The following NIBAN2 variants were observed in gnomAD, a reference collection of about 807,000 sequenced individuals.
NIBAN2 encodes protein Niban 2.
Under a neutral mutation model 81.8 loss-of-function variants are expected in NIBAN2, and 36 were observed. The observed-to-expected ratio is 0.44, with a 90% CI of 0.34 to 0.58. The LOEUF is 0.58. Ranked by LOEUF, NIBAN2 falls within the 20% of genes least tolerant of loss-of-function variation. The pLI is 0.02. For missense variants in NIBAN2, 897 were observed against 1,014.1 expected, an observed-to-expected ratio of 0.88 and a Z score of 1.57; for synonymous variants, 445 against 441.6, an observed-to-expected ratio of 1.01 and a Z score of -0.10.
In NIBAN2 at chr9:127,508,107, G is replaced by A. The variant is rs759988005; in HGVS notation, c.1528C>T (p.Pro510Ser). 4 of 1,613,604 alleles carry A rather than the reference G, an allele frequency of 2.5e-6. No individual in the cohort carries two copies. Among genetic ancestry groups the A allele is most frequent in the Non-Finnish European group, 2.5e-6 (3 of 1,179,982 alleles). ...SIPFLLKKLA[P>S]TCKSELPRFQ... ...GGGCTGCTCACCGACTTGCAGGTAG[G>A]GGCCAGCTTCTTGAGCAGGAACGGG... Residue 510 changes from proline (P) to serine (S), a missense_variant, in exon 12 of 14, where the codon CCT (proline) becomes TCT (serine). Coordinates refer to ENST00000373312, the MANE Select transcript of NIBAN2 (RefSeq NM_022833.4). This position sits in a 1 kb window ranked among gnomAD's most constrained non-coding sequence, Gnocchi z 6.4.
At position 127,543,098 on chromosome 9, in the gene NIBAN2, A is replaced by G. The variant is rs1333786278; in HGVS notation, c.56-11320T>C. The stretch of plus-strand genomic sequence containing the variant: ...TCCCTCAGCACGCCAAGGCCCGACA[A>G]TGACAGCCGTGTGACCCTGCGTGAG... On this transcript the variant is annotated intron_variant, in intron 1 of 13. Coordinates refer to ENST00000373312, the MANE Select transcript of NIBAN2 (RefSeq NM_022833.4). Among the ~76,000 whole-genome samples the G allele has an allele frequency of 2.0e-5, 3 of 152,310 alleles. No individual in the cohort carries two copies. The East Asian group carries it at 5.8e-4, about 29-fold the overall frequency.
intron 1 of NIBAN2, among the ~76,000 whole-genome samples, chr9:127,543,813 C>T (rs917395353): frequency 6.6e-6 from 1 of 152,236 alleles, no homozygotes; most frequent in Non-Finnish European, 1.5e-5. Context: ...CACTGTTCTT[C>T]AGTTCCCCAC....
intron 8 of NIBAN2, among the ~76,000 whole-genome samples, chr9:127,511,798 CAAACAGGCATATGAAAGGTACTCAACCCA>C (rs1448072452): frequency 6.6e-6 from 1 of 151,972 alleles, no homozygotes; most frequent in Non-Finnish European, 1.5e-5. Flanking sequence ...ATATAAATGG[CAAACAGGCATATGAAAGGTACTCAACCCA>C]AAACAGGCAT....
chr9:127,514,606 T>C (rs1836791619), intron 8 of NIBAN2, among the ~76,000 whole-genome samples: 1 of 152,242 alleles, frequency 6.6e-6, no homozygotes, highest in South Asian at 2.1e-4. Context: ...CCTTAGTAGA[T>C]TCAATGAGCC....
At chr9:127,510,378 A>G in intron 8 of NIBAN2, 45 bp from the exon 9 acceptor site, 6 of 1,475,046 alleles carry the variant, frequency 4.1e-6, no homozygotes, top group Non-Finnish European at 5.5e-6. Context: ...CCCAAGGAGC[A>G]CCTCCCAGCC....
rs1365752807 is a variant in NIBAN2, at chr9:127,523,857, A to G, written c.422-11T>C. The G allele has an allele frequency of 2.5e-6, 4 of 1,604,526 alleles. No individual in the cohort carries two copies. Among genetic ancestry groups the G allele is most frequent in the South Asian group, 2.2e-5 (2 of 90,934 alleles). ...ACTTTGCCGTGGTCCCTGTGGAGAC[A>G]GTGCCTGATGAGCAGCTGCCCTCTG... On this transcript the variant is annotated splice_polypyrimidine_tract_variant and intron_variant, in intron 4 of 13. Transcript: ENST00000373312.
intron 2 of NIBAN2, 64 bp from the exon 3 acceptor site, chr9:127,527,386 T>C (rs967740574): frequency 1.5e-5 from 22 of 1,501,684 alleles, no homozygotes; most frequent in Non-Finnish European, 1.9e-5. Flanking sequence ...CCCATGAAGC[T>C]GATGGCCCAG....
chr9:127,577,133 G>C (rs998551968), intron 1 of NIBAN2, among the ~76,000 whole-genome samples: 19 of 151,022 alleles, frequency 1.3e-4, no homozygotes, highest in African/African-American at 4.4e-4. Flanking sequence ...CATGGTGAAA[G>C]CCCGTCTCTA....
Position 127,507,550 on chromosome 9 carries a change from G to T in NIBAN2, c.1655-119C>A. 1 of 931,030 alleles carries T rather than the reference G, an allele frequency of 1.1e-6. No individual in the cohort carries two copies. Among genetic ancestry groups the T allele is most frequent in the Non-Finnish European group, 1.6e-6 (1 of 632,874 alleles). 57.7% of individuals were successfully genotyped at this position (931,030 alleles called of 1,614,324 possible). ...CCTTGGGGGTCTGTGGTTGGGATGT[G>T]ACTCATTCCAGGCCTCGTTGCTGAA... On this transcript the variant is annotated intron_variant, in intron 13 of 13. Transcript: ENST00000373312. This position sits in a 1 kb window ranked among gnomAD's most constrained non-coding sequence, Gnocchi z 6.8.
rs1408431041 is a variant in NIBAN2, at chr9:127,523,197, ATATATATATATATATATATATAT to A, written c.589+459_589+481del. Among the ~76,000 whole-genome samples the A allele has an allele frequency of 4.7e-3, 22 of 4,720 alleles. 4 individuals carry two copies. Among genetic ancestry groups the A allele is most frequent in the Non-Finnish European group, 7.4e-3 (20 of 2,698 alleles). 3.1% of individuals were successfully genotyped at this position (4,720 alleles called of 152,430 possible). On this transcript the variant is annotated intron_variant, in intron 5 of 13. Coordinates refer to ENST00000373312, the MANE Select transcript of NIBAN2 (RefSeq NM_022833.4). ...AAAAAAAAAAAAAAAAAAAAAATAT[ATATATATATATATATATATATAT>A]ATATATATATATATATATATATATA...
chr9:127,551,809 G>A (rs1277005198), intron 1 of NIBAN2, among the ~76,000 whole-genome samples: 3 of 152,188 alleles, frequency 2.0e-5, no homozygotes, highest in Non-Finnish European at 2.9e-5. Flanking sequence ...CCACAGCACC[G>A]ATCTCTGGGA....
rs574570767 is a variant in NIBAN2, at chr9:127,534,510, G to C, written c.56-2732C>G. Among the ~76,000 whole-genome samples, 9 of 152,260 alleles carry C rather than the reference G, an allele frequency of 5.9e-5. No individual in the cohort carries two copies. The East Asian group carries it at 1.7e-3, about 29-fold the overall frequency. ...TGGTGGCCTGGGAGGAGGGCTGAAAGGGCATGTCACACACCATGCCTCACA... is the reference window on the plus strand; with the variant it reads ...TGGTGGCCTGGGAGGAGGGCTGAAACGGCATGTCACACACCATGCCTCACA... On this transcript the variant is annotated intron_variant, in intron 1 of 13. Transcript: ENST00000373312.
At chr9:127,522,452 G>A (rs536356421) in intron 5 of NIBAN2, among the ~76,000 whole-genome samples, 3 of 152,218 alleles carry the variant, frequency 2.0e-5, no homozygotes, top group Non-Finnish European at 2.9e-5. Context: ...TCCAGGACTG[G>A]GTTGTTCCTT....
intron 1 of NIBAN2, among the ~76,000 whole-genome samples, chr9:127,556,816 C>T (rs1837680428): frequency 6.6e-6 from 1 of 152,092 alleles, no homozygotes; most frequent in South Asian, 2.1e-4. Context: ...GGCTCAAACA[C>T]CTGTAATCCC....
At chr9:127,566,170 T>A (rs750890377) in intron 1 of NIBAN2, among the ~76,000 whole-genome samples, 1 of 152,098 alleles carries the variant, frequency 6.6e-6, no homozygotes, top group African/African-American at 2.4e-5. Flanking sequence ...GCAGGCATTA[T>A]ACTGGGACCT....
Position 127,506,860 on chromosome 9 carries a change from C to T in NIBAN2, c.2226G>A (p.Val742=). The T allele has an allele frequency of 1.2e-6, 2 of 1,608,014 alleles. No individual in the cohort carries two copies. The highest frequency in any genetic ancestry group is 1.7e-6 in the Non-Finnish European group (2 of 1,177,554). The change falls in exon 14 of 14, where the codon GTG becomes GTA. Residue 742 remains valine, a synonymous_variant. Transcript: ENST00000373312. The part of the protein sequence containing the change: ...LHTTTEDSAG[V]QTEF The stretch of plus-strand genomic sequence containing the variant: ...ACCCACTGGCCTAGAACTCAGTCTG[C>T]ACCCCTGCACTGTCCTCGGTGGTGG...
chr9:127,552,971 C>T (rs1322183787), intron 1 of NIBAN2, among the ~76,000 whole-genome samples: 1 of 152,124 alleles, frequency 6.6e-6, no homozygotes, highest in Non-Finnish European at 1.5e-5. Flanking sequence ...GGATTACAGG[C>T]ATTAGCCTCC....
chr9:127,516,992 A>G lies in NIBAN2; in HGVS notation c.838T>C (p.Tyr280His), dbSNP rs765051115. The G allele has an allele frequency of 3.1e-6, 5 of 1,613,844 alleles. No homozygotes were observed. Among genetic ancestry groups the G allele is most frequent in the Non-Finnish European group, 4.2e-6 (5 of 1,179,942 alleles). ...TCGAAGCGCGCCTTGGCCTGCTCGT[A>G]CACCATGTGGTACACGGCGTCCGAG... ...QISDAVYHMVYEQAKARFEEV... is the reference protein window; with the variant it reads ...QISDAVYHMVHEQAKARFEEV... The change falls in exon 8 of 14, where the codon TAC becomes CAC. Residue 280 changes from tyrosine (Y) to histidine (H), a missense_variant. This residue lies in a region of NIBAN2 where 619 missense variants were observed against 691.0 expected (regional missense o/e 0.90). Transcript: ENST00000373312.
chr9:127,544,210 C>T (rs12343812), intron 1 of NIBAN2, among the ~76,000 whole-genome samples: 1,852 of 152,316 alleles, frequency 0.012, 89 homozygotes, highest in Admixed American at 0.093. Context: ...TGGTACCTAA[C>T]ATGGCGCTGG....
Sources: gnomAD v4.1 joint callset for allele counts (sites outside exome capture counted in the v4.1 genomes callset) on GRCh38, gnomAD v4.1.1 for gene constraint, gnomAD v4.1.1 regional missense constraint, Gnocchi (gnomAD v3.1) non-coding constraint, MANE v1.5 for transcripts, NCBI Gene and HGNC (gene_info 2026-07-23, HGNC 2026-07-21) for gene names.